Variants in CTNNBL1 observed in about 807,000 individuals in gnomAD.
The protein encoded by CTNNBL1 is catenin beta like 1, also known as beta-catenin-like protein 1.
In CTNNBL1, 31 loss-of-function variants were observed where a neutral mutation model predicts 72.7. The observed-to-expected ratio is 0.43, with a 90% confidence interval of 0.32 to 0.58. The LOEUF is 0.58. Ranked by LOEUF, CTNNBL1 falls within the 20% of genes least tolerant of loss-of-function variation. The probability of loss-of-function intolerance (pLI) is 0.08; values close to 1 mark genes in which losing one functional copy is unlikely to be tolerated. For synonymous variants in CTNNBL1, 240 were observed against 267.3 expected (o/e 0.90, Z 1.00); for missense variants, 534 against 725.1 (o/e 0.74, Z 3.03).
intron 13 of CTNNBL1, among the ~76,000 whole-genome samples, chr20:37,842,783 G>A (rs1034373296): frequency 3.3e-5 from 5 of 152,220 alleles, no homozygotes; most frequent in Admixed American, 6.5e-5. Flanking sequence ...AAATCCTGAA[G>A]GAGGCATGCT....
chr20:37,853,724 A>G (rs1166881816), intron 13 of CTNNBL1, among the ~76,000 whole-genome samples: 1 of 152,248 alleles, frequency 6.6e-6, no homozygotes, highest in African/African-American at 2.4e-5. Flanking sequence ...ACTTGAGAAG[A>G]TAGAGGACTG....
chr20:37,797,537 CT>C (rs1403661336), intron 10 of CTNNBL1, among the ~76,000 whole-genome samples: 2 of 152,074 alleles, frequency 1.3e-5, no homozygotes, highest in African/African-American at 4.8e-5. Flanking sequence ...GATTTGATGA[CT>C]CTTTCAAAAT....
At chr20:37,791,020 C>CT (rs1234231674) in intron 10 of CTNNBL1, among the ~76,000 whole-genome samples, 3 of 152,070 alleles carry the variant, frequency 2.0e-5, no homozygotes, top group African/African-American at 7.2e-5. Flanking sequence ...CAGTGTGTTC[C>CT]TTTTTTTGGT....
intron 10 of CTNNBL1, among the ~76,000 whole-genome samples, chr20:37,787,534 C>T (rs970625309): frequency 6.6e-5 from 10 of 152,000 alleles, no homozygotes; most frequent in South Asian, 4.2e-4. Context: ...TTAGTAGAGA[C>T]GGGGTTTCAC....
At chr20:37,694,256 C>T in intron 1 of CTNNBL1, 104 bp downstream of exon 1, 5 of 1,028,274 alleles carry the variant, frequency 4.9e-6, no homozygotes, top group Non-Finnish European at 6.8e-6. Flanking sequence ...CTCCCGGGCC[C>T]TCTAACTTCT....
chr20:37,824,768 C>T (rs2072143240), intron 11 of CTNNBL1, among the ~76,000 whole-genome samples: 1 of 152,180 alleles, frequency 6.6e-6, no homozygotes, highest in South Asian at 2.1e-4. Context: ...GTGCCCCAAG[C>T]ACCTATAAAA....
chr20:37,731,258 G>A (rs1162643673), intron 1 of CTNNBL1, among the ~76,000 whole-genome samples: 6 of 148,958 alleles, frequency 4.0e-5, no homozygotes, highest in African/African-American at 7.4e-5. Flanking sequence ...TTTTTGAGAC[G>A]GAGTTTCACT....
intron 5 of CTNNBL1, among the ~76,000 whole-genome samples, chr20:37,764,231 G>A (rs1243517196): frequency 6.6e-6 from 1 of 152,230 alleles, no homozygotes; most frequent in Non-Finnish European, 1.5e-5. Context: ...ATATGCAGCA[G>A]ACCGTGTCTT....
intron 1 of CTNNBL1, among the ~76,000 whole-genome samples, chr20:37,711,793 A>G (rs974025037): frequency 6.6e-6 from 1 of 152,026 alleles, no homozygotes; most frequent in Admixed American, 6.6e-5. Context: ...GGAAAAGCCA[A>G]AACAAAAACT....
At chr20:37,694,226 T>C in intron 1 of CTNNBL1, 74 bp downstream of exon 1, 1 of 1,310,748 alleles carries the variant, frequency 7.6e-7, no homozygotes, top group African/African-American at 1.5e-5. Flanking sequence ...AGCCCTTTCA[T>C]CTCACCTCCT....
chr20:37,701,894 CT>C (rs2072847802), intron 1 of CTNNBL1, among the ~76,000 whole-genome samples: 2 of 145,136 alleles, frequency 1.4e-5, no homozygotes, highest in African/African-American at 5.4e-5. Flanking sequence ...ACATCGTACG[CT>C]CATCTCAGCT....
intron 13 of CTNNBL1, among the ~76,000 whole-genome samples, chr20:37,847,460 G>C (rs1436494116): frequency 6.6e-6 from 1 of 152,128 alleles, no homozygotes; most frequent in Non-Finnish European, 1.5e-5. Flanking sequence ...CATCTAGTGA[G>C]CAGCAGTTCT....
intron 3 of CTNNBL1, among the ~76,000 whole-genome samples, chr20:37,739,022 T>A (rs2073192429): frequency 6.6e-6 from 1 of 152,060 alleles, no homozygotes; most frequent in African/African-American, 2.4e-5. Flanking sequence ...AGGGCCCAGC[T>A]TATCCAGCAT....
chr20:37,871,941 C>T lies in CTNNBL1; in HGVS notation c.1620C>T (p.Ile540=), dbSNP rs746309875. The stretch of plus-strand genomic sequence containing the variant: ...TCCCCCTAGAGTATGCAGAGAACAT[C>T]GGGGACGGCCGGAGCCCGGAGTTCC... ...RHIIKEYAEN[I]GDGRSPEFRE... is the part of the protein sequence containing the mutation. Residue 540 remains isoleucine, a synonymous_variant, in exon 16 of 16, where the codon ATC becomes ATT. Transcript: ENST00000361383. 23 of 1,613,956 alleles carry T rather than the reference C, an allele frequency of 1.4e-5. 1 individual carries two copies. The highest frequency in any genetic ancestry group is 3.3e-5 in the South Asian group (3 of 91,072).
chr20:37,786,913 T>A (rs2073680025), intron 10 of CTNNBL1, among the ~76,000 whole-genome samples: 1 of 152,210 alleles, frequency 6.6e-6, no homozygotes, highest in Admixed American at 6.5e-5. Flanking sequence ...GTTTGTGGCC[T>A]TATACTTGGG....
At chr20:37,713,627 T>C (rs1377892390) in intron 1 of CTNNBL1, among the ~76,000 whole-genome samples, 1 of 152,172 alleles carries the variant, frequency 6.6e-6, no homozygotes, top group Non-Finnish European at 1.5e-5. Context: ...GGCCTTGAGG[T>C]ATTGCCTCTG....
rs2072590814 is a variant in CTNNBL1 at position 37,872,081 on chromosome 20, CTG to C, written c.*73_*74del. On this transcript the variant is annotated 3_prime_UTR_variant, in exon 16 of 16. Coordinates refer to ENST00000361383, the MANE Select transcript of CTNNBL1 (RefSeq NM_030877.5). Reference sequence around the variant, plus strand: ...TCCCAGGATCAGTTTCTACACAACTCTGTGTGGCTTTTGGACAAATTAAAGCT... The same window carrying C: ...TCCCAGGATCAGTTTCTACACAACTCTGTGGCTTTTGGACAAATTAAAGCT... 3 of 1,352,370 alleles carry C rather than the reference CTG, an allele frequency of 2.2e-6. No homozygotes were observed. The highest frequency in any genetic ancestry group is 2.3e-5 in the South Asian group (2 of 85,726). The allele number at this position is 1,352,370 out of a possible 1,614,324, so 83.8% of individuals were successfully genotyped here. A position where few individuals can be genotyped will look rare whatever the true frequency, so the allele number is the denominator to read the frequency against.
chr20:37,827,078 C>T (rs2072166861), intron 11 of CTNNBL1, among the ~76,000 whole-genome samples: 1 of 152,184 alleles, frequency 6.6e-6, no homozygotes, highest in Admixed American at 6.5e-5. Flanking sequence ...GTAGAACCTC[C>T]TATCAATGGA....
intron 1 of CTNNBL1, among the ~76,000 whole-genome samples, chr20:37,723,550 A>G (rs1056068400): frequency 6.6e-6 from 1 of 152,132 alleles, no homozygotes; most frequent in Non-Finnish European, 1.5e-5. Context: ...GGTTGACATA[A>G]TTAATTGATC....
Sources: allele counts gnomAD v4.1 joint callset (sites outside exome capture counted in the v4.1 genomes callset), GRCh38; gene constraint gnomAD v4.1.1; transcripts MANE v1.5; gene names NCBI Gene and HGNC (gene_info 2026-07-23, HGNC 2026-07-21).